The following USP9X variants were observed in gnomAD, a reference collection of about 807,000 sequenced individuals.
USP9X encodes ubiquitin carboxyl-terminal hydrolase 9X.
USP9X carries 7 observed loss-of-function variants against 190.3 expected under a neutral mutation model. The ratio of observed to expected loss-of-function variants is 0.04; its 90% CI spans 0.02 to 0.07. The LOEUF (loss-of-function observed/expected upper bound fraction) is 0.07, where lower values mean the gene tolerates loss of function less well. USP9X is among the 10% of genes least tolerant of loss of function. The pLI, the probability that USP9X is intolerant of heterozygous loss-of-function variation, is 1.00. For synonymous variants in USP9X, 645 were observed against 659.5 expected, an observed-to-expected ratio of 0.98 and a Z score of 0.34; for missense variants, 1,010 against 1,916.9, an observed-to-expected ratio of 0.53 and a Z score of 8.83.
intron 1 of USP9X, among the ~76,000 whole-genome samples, chrX:41,122,283 C>A (rs1367715384): frequency 9.0e-6 from 1 of 111,088 alleles, no homozygotes; most frequent in African/African-American, 3.3e-5. Flanking sequence ...ATGCGTGCAC[C>A]CCTGATGTTT....
intron 14 of USP9X, among the ~76,000 whole-genome samples, chrX:41,159,533 T>C (rs1401820603): frequency 1.8e-5 from 2 of 110,659 alleles, no homozygotes; most frequent in Non-Finnish European, 3.8e-5. Context: ...TTCTTTTTTT[T>C]TTTTCTTTTT....
chrX:41,188,766 A>G (rs1331026936), intron 25 of USP9X, among the ~76,000 whole-genome samples: 1 of 112,039 alleles, frequency 8.9e-6, no homozygotes, highest in East Asian at 2.8e-4. Flanking sequence ...GTATTCATTC[A>G]GCTTATTAAC....
chrX:41,131,545 T>C lies in USP9X; in HGVS notation c.322+9T>C, dbSNP rs1296626193. 3 of 1,172,225 alleles carry C rather than the reference T, an allele frequency of 2.6e-6. No individual in the cohort carries two copies. The highest frequency in any genetic ancestry group is 1.8e-5 in the African/African-American group (1 of 56,264). On this transcript the variant is annotated intron_variant, in intron 4 of 44. Transcript: ENST00000378308. ...TGATCTTAGTAAAAAGGGTAAGTTATATGTTTTTATGCTTCCTATAATGTA... is the reference window on the plus strand; with the variant it reads ...TGATCTTAGTAAAAAGGGTAAGTTACATGTTTTTATGCTTCCTATAATGTA...
At chrX:41,211,076 T>C (rs2063153590) in intron 33 of USP9X, among the ~76,000 whole-genome samples, 2 of 111,326 alleles carry the variant, frequency 1.8e-5, no homozygotes, top group Admixed American at 1.9e-4. Context: ...ATAGTAACTT[T>C]GAACTTGTGG....
intron 1 of USP9X, among the ~76,000 whole-genome samples, chrX:41,107,324 GT>G (rs770709113): frequency 6.0e-4 from 67 of 112,583 alleles, no homozygotes; most frequent in Admixed American, 1.4e-3. Context: ...TGGCACGATA[GT>G]TTTATTTCTT....
At chrX:41,131,158 A>T (rs755914313) in intron 3 of USP9X, among the ~76,000 whole-genome samples, 10 of 111,044 alleles carry the variant, frequency 9.0e-5, no homozygotes, top group Non-Finnish European at 1.3e-4. Flanking sequence ...ATGATACCTA[A>T]TTAGTTAATA....
Position 41,153,466 on chromosome X carries a change from A to G in USP9X, c.1897+385A>G, listed in dbSNP as rs778381177. ...ATAGTTCTTTTATAATGCCAAGCCT[A>G]TGTTTTGTAAGTGCTTCAAGACTCC... On this transcript the variant is annotated intron_variant, in intron 14 of 44. Coordinates refer to ENST00000378308, the MANE Select transcript of USP9X (RefSeq NM_001039591.3). 8.0e-5 allele frequency among the ~76,000 whole-genome samples: 9 copies of G among 112,442 alleles called. No homozygotes were observed. In the East Asian group the frequency reaches 2.2e-3, roughly 28 times the overall value.
rs1364074724 is a variant in USP9X at position 41,156,471 on chromosome X, AC to A, written c.1897+3394del. Among the ~76,000 whole-genome samples the A allele has an allele frequency of 3.6e-5, 4 of 111,700 alleles. No homozygotes were observed. In the East Asian group the frequency reaches 1.1e-3, roughly 31 times the overall value. ...TGTCCAAGAAAACTGAGACTCCCTTACCCCATTCAGTGCCTGCTTGTAGGAT... is the reference window on the plus strand; with the variant it reads ...TGTCCAAGAAAACTGAGACTCCCTTACCCATTCAGTGCCTGCTTGTAGGAT... On this transcript the variant is annotated intron_variant, in intron 14 of 44. Transcript: ENST00000378308.
intron 31 of USP9X, among the ~76,000 whole-genome samples, chrX:41,201,524 A>G (rs1221042586): frequency 2.7e-5 from 3 of 111,592 alleles, no homozygotes; most frequent in African/African-American, 9.8e-5. Context: ...CCTGGGTTAC[A>G]GAGTGAGACC....
Position 41,169,959 on chromosome X carries a change from G to A in USP9X, c.2637-36G>A, listed in dbSNP as rs751141395. The A allele has an allele frequency of 3.2e-5, 39 of 1,203,517 alleles. No homozygotes were observed. In the East Asian group the frequency reaches 1.1e-3, roughly 35 times the overall value. ...TGGCAACAAAATTTCAGAGTCTGCT[G>A]AATATGATGATGTCTGTCTTTCTTT... On this transcript the variant is annotated intron_variant, in intron 18 of 44. Coordinates refer to ENST00000378308, the MANE Select transcript of USP9X (RefSeq NM_001039591.3).
chrX:41,197,351 C>CCCCCCT lies in USP9X; in HGVS notation c.4234-12_4234-11insCCCCTC. The CCCCCCT allele has an allele frequency of 1.1e-6, 1 of 939,389 alleles. No homozygotes were observed. 77.4% of individuals were successfully genotyped at this position (939,389 alleles called of 1,213,427 possible). ...TTTCTTCCCCCCCCCACCCCACCCC[C>CCCCCCT]CGCCTTTGGCAGGATGATGTTAAAA... On this transcript the variant is annotated splice_polypyrimidine_tract_variant and intron_variant, in intron 28 of 44. Transcript: ENST00000378308.
chrX:41,168,458 A>G (rs1157910989), intron 18 of USP9X, among the ~76,000 whole-genome samples: 1 of 111,783 alleles, frequency 8.9e-6, no homozygotes, highest in African/African-American at 3.3e-5. Flanking sequence ...TGTCTTTGAC[A>G]TTATTACTCA....
Position 41,162,778 on chromosome X carries a change from C to T in USP9X, c.1898-12C>T, listed in dbSNP as rs1192938465. On this transcript the variant is annotated splice_polypyrimidine_tract_variant and intron_variant, in intron 14 of 44. Coordinates refer to ENST00000378308, the MANE Select transcript of USP9X (RefSeq NM_001039591.3). ...CCATGTGTATAATGCATGGTTTTTT[C>T]TTAATTTGCAGACCATGAAGATTAT... The T allele has an allele frequency of 8.4e-7, 1 of 1,191,162 alleles. No homozygotes were observed. Among genetic ancestry groups the T allele is most frequent in the East Asian group, 3.0e-5 (1 of 33,465 alleles).
intron 1 of USP9X, among the ~76,000 whole-genome samples, chrX:41,111,361 C>T (rs938400621): frequency 1.8e-5 from 2 of 111,936 alleles, no homozygotes; most frequent in African/African-American, 3.2e-5. Context: ...TCCCCAGCCT[C>T]CAGAACTGTT....
intron 1 of USP9X, among the ~76,000 whole-genome samples, chrX:41,090,239 C>G (rs767784940): frequency 9.1e-6 from 1 of 109,634 alleles, no homozygotes; most frequent in East Asian, 2.8e-4. Flanking sequence ...ACAAGATTCC[C>G]CAAAGATCTT....
chrX:41,220,943 C>CAA (rs773698592), intron 38 of USP9X, among the ~76,000 whole-genome samples: 6 of 54,731 alleles, frequency 1.1e-4, no homozygotes, highest in Admixed American at 2.2e-4. Flanking sequence ...GACTCCGTCT[C>CAA]AAAAAAAAAA....
In USP9X at chrX:41,184,554, G is replaced by T. The variant is rs755665120; in HGVS notation, c.3437G>T (p.Gly1146Val). 3 of 1,209,404 alleles carry T rather than the reference G, an allele frequency of 2.5e-6. No individual in the cohort carries two copies. Among genetic ancestry groups the T allele is most frequent in the Non-Finnish European group, 3.4e-6 (3 of 895,156 alleles). The part of the protein sequence containing the change: ...LPNADMETRR[G>V]AYLNALKIAK... ...AATGCAGATATGGAAACTCGAAGGGGTGCCTACCTCAATGCTCTTAAAATA... is the reference window on the plus strand; with the variant it reads ...AATGCAGATATGGAAACTCGAAGGGTTGCCTACCTCAATGCTCTTAAAATA... The change falls in exon 23 of 45, where the codon GGT (glycine) becomes GTT (valine). Residue 1146 changes from glycine (G) to valine (V), a missense_variant. Physicochemically the swap from Gly to Val is moderately radical, Grantham distance 109. Coordinates refer to ENST00000378308, the MANE Select transcript of USP9X (RefSeq NM_001039591.3).
At chrX:41,153,890 AAC>A (rs2062552908) in intron 14 of USP9X, among the ~76,000 whole-genome samples, 1 of 112,241 alleles carries the variant, frequency 8.9e-6, no homozygotes, top group South Asian at 3.6e-4. Flanking sequence ...CCATTCATTT[AAC>A]ATGTTATGTA....
chrX:41,158,150 C>T (rs1286432283), intron 14 of USP9X, among the ~76,000 whole-genome samples: 1 of 110,052 alleles, frequency 9.1e-6, no homozygotes, highest in Non-Finnish European at 1.9e-5. Context: ...TGAAGGGGAC[C>T]AACATTAATT....
Sources: allele counts gnomAD v4.1 joint callset (sites outside exome capture counted in the v4.1 genomes callset), GRCh38; gene constraint gnomAD v4.1.1; transcripts MANE v1.5; gene names NCBI Gene and HGNC (gene_info 2026-07-23, HGNC 2026-07-21).